PPIL2: variants seen among roughly 807,000 people sequenced by gnomAD.
PPIL2 encodes the protein RING-type E3 ubiquitin-protein ligase PPIL2.
PPIL2 carries 50 observed loss-of-function variants against 75.2 expected under a neutral mutation model. The ratio of observed to expected loss-of-function variants is 0.66; its 90% CI spans 0.53 to 0.84. The LOEUF (loss-of-function observed/expected upper bound fraction) is 0.84. Among genes scored for constraint, PPIL2 ranks in the 40% least tolerant of loss-of-function variants. The probability of loss-of-function intolerance (pLI) is 0.00; values close to 1 mark genes in which losing one functional copy is unlikely to be tolerated. For missense variants in PPIL2, 590 were observed against 685.0 expected, an observed-to-expected ratio of 0.86 and a Z score of 1.55; for synonymous variants, 245 against 258.8, an observed-to-expected ratio of 0.95 and a Z score of 0.51.
chr22:21,697,014 C>G lies in PPIL2; in HGVS notation c.*1524C>G, dbSNP rs919690770. Reference sequence around the variant, plus strand: ...TCCTTCTCTTCTCCAGCCCATCCCTCTGCAGCCTGTCATCCCTGTCTGTGA... The same window carrying G: ...TCCTTCTCTTCTCCAGCCCATCCCTGTGCAGCCTGTCATCCCTGTCTGTGA... On this transcript the variant is annotated 3_prime_UTR_variant, in exon 20 of 20. Coordinates refer to ENST00000398831, the MANE Select transcript of PPIL2 (RefSeq NM_014337.4). 6.5e-7 allele frequency: 1 copy of G among 1,541,744 alleles called. No homozygotes were observed. Among genetic ancestry groups the G allele is most frequent in the Non-Finnish European group, 8.8e-7 (1 of 1,141,094 alleles).
chr22:21,690,572 C>G (rs2067576744), intron 15 of PPIL2, among the ~76,000 whole-genome samples: 1 of 152,196 alleles, frequency 6.6e-6, no homozygotes, highest in Non-Finnish European at 1.5e-5. Flanking sequence ...CTTTCCATTC[C>G]TCAGTCCCTT....
chr22:21,692,786 C>T (rs1019945874), intron 15 of PPIL2, among the ~76,000 whole-genome samples: 9 of 151,380 alleles, frequency 5.9e-5, no homozygotes, highest in African/African-American at 2.2e-4. Context: ...ATTAGCTGGG[C>T]GTGATGGCGG....
intron 19 of PPIL2, 111 bp from the exon 20 acceptor site, chr22:21,695,283 G>A: frequency 7.4e-7 from 1 of 1,348,652 alleles, no homozygotes; most frequent in Non-Finnish European, 1.0e-6. Flanking sequence ...GGATGTGGGA[G>A]CAGCAGGTGG....
chr22:21,674,973 C>A, intron 5 of PPIL2, 91 bp from the exon 6 acceptor site: 2 of 1,228,152 alleles, frequency 1.6e-6, no homozygotes, highest in Non-Finnish European at 2.4e-6. Context: ...TTGGCCTAGT[C>A]AGAGACTTTT....
chr22:21,690,957 CTTTTTTTTTTTT>C (rs34639269), intron 15 of PPIL2, among the ~76,000 whole-genome samples: 12 of 64,706 alleles, frequency 1.9e-4, no homozygotes, highest in African/African-American at 6.1e-4. Flanking sequence ...GCCACCTTCT[CTTTTTTTTTTTT>C]TTTTTTTTTT....
chr22:21,692,449 T>C (rs861823), intron 15 of PPIL2, among the ~76,000 whole-genome samples: 20,268 of 151,720 alleles, frequency 0.13, 1,766 homozygotes, highest in Non-Finnish European at 0.19. Context: ...CCACTGTGCC[T>C]GGCCAATCCT....
At position 21,682,497 on chromosome 22, in the gene PPIL2, T is replaced by A. The variant is rs1196523686; in HGVS notation, c.448T>A (p.Phe150Ile). 6 of 1,599,778 alleles carry A rather than the reference T, an allele frequency of 3.8e-6. No homozygotes were observed. The highest frequency in any genetic ancestry group is 5.1e-6 in the Non-Finnish European group (6 of 1,173,646). ...CCGGGACCTGCTGACCGACGAGCCCTTCTCCCGGCAGGACATCATCACCCT... is the reference window on the plus strand; with the variant it reads ...CCGGGACCTGCTGACCGACGAGCCCATCTCCCGGCAGGACATCATCACCCT... ...NFRDLLTDEP[F>I]SRQDIITLQD... The change falls in exon 8 of 20, where the codon TTC becomes ATC. Residue 150 changes from phenylalanine to isoleucine, a missense_variant. Coordinates refer to ENST00000398831, the MANE Select transcript of PPIL2 (RefSeq NM_014337.4).
chr22:21,672,673 C>T (rs1569020538), intron 5 of PPIL2, among the ~76,000 whole-genome samples: 1 of 152,218 alleles, frequency 6.6e-6, no homozygotes, highest in East Asian at 1.9e-4. Context: ...ATATCCAAGT[C>T]AGGCCACATT....
chr22:21,679,714 G>A (rs2067023902), intron 6 of PPIL2, among the ~76,000 whole-genome samples: 2 of 151,936 alleles, frequency 1.3e-5, no homozygotes, highest in South Asian at 4.2e-4. Flanking sequence ...TGGGACTAGA[G>A]GTGTGAGCCA....
rs116934312 is a variant in PPIL2 at position 21,682,503 on chromosome 22, C to T, written c.454C>T (p.Arg152Trp). ...RDLLTDEPFSRQDIITLQDPT... is the reference protein window; with the variant it reads ...RDLLTDEPFSWQDIITLQDPT... The stretch of plus-strand genomic sequence containing the variant: ...CCTGCTGACCGACGAGCCCTTCTCC[C>T]GGCAGGACATCATCACCCTCCAGGT... Residue 152 changes from arginine to tryptophan, a missense_variant, in exon 8 of 20, where the codon CGG becomes TGG. By Grantham distance (101) the Arg-to-Trp change is moderately radical. Transcript: ENST00000398831. 8.1e-6 allele frequency: 13 copies of T among 1,613,778 alleles called. No homozygotes were observed. The highest frequency in any genetic ancestry group is 1.3e-5 in the African/African-American group (1 of 75,044).
chr22:21,666,055 A>T lies in PPIL2; in HGVS notation c.-45A>T. ...CTGCGGCTCCATGGTCTGAGTTGTC[A>T]GCCGTTGTTTTTTCGTGCTCGCTAG... On this transcript the variant is annotated 5_prime_UTR_variant, in exon 1 of 20. Coordinates refer to ENST00000398831, the MANE Select transcript of PPIL2 (RefSeq NM_014337.4). 1.2e-6 allele frequency: 2 copies of T among 1,606,718 alleles called. No individual in the cohort carries two copies. Among genetic ancestry groups the T allele is most frequent in the Non-Finnish European group, 1.7e-6 (2 of 1,176,078 alleles).
At chr22:21,694,131 G>C (rs927132527) in intron 16 of PPIL2, among the ~76,000 whole-genome samples, 1 of 152,214 alleles carries the variant, frequency 6.6e-6, no homozygotes, top group Non-Finnish European at 1.5e-5. Flanking sequence ...CTCAGACCCA[G>C]TGGCGCGCCA....
At position 21,677,574 on chromosome 22, in the gene PPIL2, G is replaced by A. The variant is rs567122599; in HGVS notation, c.295+2459G>A. Reference sequence around the variant, plus strand: ...CAGTCAGGCGTGGCGGCGCGCGCCTGCAATCCCAGGCACTCGGCAGGCTGA... The same window carrying A: ...CAGTCAGGCGTGGCGGCGCGCGCCTACAATCCCAGGCACTCGGCAGGCTGA... On this transcript the variant is annotated intron_variant, in intron 6 of 19. Coordinates refer to ENST00000398831, the MANE Select transcript of PPIL2 (RefSeq NM_014337.4). 2.6e-5 allele frequency among the ~76,000 whole-genome samples: 4 copies of A among 152,368 alleles called. No homozygotes were observed. In the East Asian group the frequency reaches 7.7e-4, roughly 29 times the overall value.
At position 21,666,137 on chromosome 22, in the gene PPIL2, T is replaced by C. The variant is rs780610794; in HGVS notation, c.32+6T>C. ...CAGCACCAAAAGGACAAAATGTAAGTTGAGCCGCAGTCGGGAGCGGCGCTC... is the reference window on the plus strand; with the variant it reads ...CAGCACCAAAAGGACAAAATGTAAGCTGAGCCGCAGTCGGGAGCGGCGCTC... On this transcript the variant is annotated splice_donor_region_variant and intron_variant, in intron 1 of 19. Coordinates refer to ENST00000398831, the MANE Select transcript of PPIL2 (RefSeq NM_014337.4). 33 of 1,612,926 alleles carry C rather than the reference T, an allele frequency of 2.0e-5. No homozygotes were observed. In the South Asian group the frequency reaches 3.6e-4, roughly 18 times the overall value.
intron 15 of PPIL2, among the ~76,000 whole-genome samples, chr22:21,692,256 T>C (rs1210415): frequency 0.35 from 53,720 of 151,522 alleles, 10,251 homozygotes; most frequent in Non-Finnish European, 0.42. Context: ...CCCAGGTTCA[T>C]GCCATTCTCC....
intron 6 of PPIL2, among the ~76,000 whole-genome samples, chr22:21,679,850 G>A (rs1260445972): frequency 6.6e-6 from 1 of 151,526 alleles, no homozygotes; most frequent in Non-Finnish European, 1.5e-5. Flanking sequence ...CACTTTGGGA[G>A]GCCAAGGTGG....
chr22:21,694,798 A>G lies in PPIL2; in HGVS notation c.1313A>G (p.Tyr438Cys). Residue 438 changes from tyrosine (Y) to cysteine (C), a missense_variant, in exon 18 of 20, where the codon TAT (tyrosine) becomes TGT (cysteine). Transcript: ENST00000398831. ...GCCACTACAGTGTTCGTGGACCCCT[A>G]TGAGGAGGCCGATGCCCAGGTGAGG... ...IDATTVFVDPYEEADAQIAQE... is the reference protein window; with the variant it reads ...IDATTVFVDPCEEADAQIAQE... 1 of 1,604,940 alleles carries G rather than the reference A, an allele frequency of 6.2e-7. No homozygotes were observed. The highest frequency in any genetic ancestry group is 8.5e-7 in the Non-Finnish European group (1 of 1,173,850).
chr22:21,695,311 C>G (rs2067873295), intron 19 of PPIL2, 83 bp from the exon 20 acceptor site: 1 of 1,481,276 alleles, frequency 6.8e-7, no homozygotes, highest in Non-Finnish European at 9.2e-7. Flanking sequence ...TGGGCCTACA[C>G]CGGGAGGGCT....
Position 21,687,693 on chromosome 22 carries a change from C to A in PPIL2, c.948C>A (p.Tyr316Ter). The A allele has an allele frequency of 1.3e-6, 2 of 1,530,066 alleles. No individual in the cohort carries two copies. The highest frequency in any genetic ancestry group is 1.8e-6 in the Non-Finnish European group (2 of 1,127,204). 94.8% of individuals were successfully genotyped at this position (1,530,066 alleles called of 1,614,324 possible). ...NFIRLCKKHY[Y>*]DGTIFHRSIR... ...TCAGGCTTTGCAAGAAGCATTATTA[C>A]GATGGCACCATCTTCCACAGATCCA... The change falls in exon 13 of 20, where the codon TAC (tyrosine) becomes TAA (stop). Residue 316 changes from tyrosine to a stop codon, truncating the protein, a stop_gained. Transcript: ENST00000398831. LOFTEE classifies it high-confidence loss of function.
Sources: allele counts gnomAD v4.1 joint callset (sites outside exome capture counted in the v4.1 genomes callset), GRCh38; gene constraint gnomAD v4.1.1; transcripts MANE v1.5; gene names NCBI Gene and HGNC (gene_info 2026-07-23, HGNC 2026-07-21).